PCNT: variants seen among roughly 807,000 people sequenced by gnomAD.
PCNT encodes the protein kendrin.
PCNT carries 319 observed loss-of-function variants against 380.4 expected under a neutral mutation model. That is an observed-to-expected ratio of 0.84 (90% confidence interval 0.77 to 0.92). The LOEUF (loss-of-function observed/expected upper bound fraction) is 0.92, where lower values mean the gene tolerates loss of function less well. Among genes scored for constraint, PCNT ranks in the 40% least tolerant of loss-of-function variants. The pLI, the probability that PCNT is intolerant of heterozygous loss-of-function variation, is 0.00. For synonymous variants in PCNT, 1,845 were observed against 1,735.2 expected, an observed-to-expected ratio of 1.06 and a Z score of -1.57; for missense variants, 4,400 against 4,255.3, an observed-to-expected ratio of 1.03 and a Z score of -0.95.
chr21:46,427,934 C>A, intron 34 of PCNT, 139 bp downstream of exon 34: 1 of 914,116 alleles, frequency 1.1e-6, no homozygotes, highest in Non-Finnish European at 1.7e-6. Context: ...GTCACTTACC[C>A]AGGTGTTGAC....
rs958762082 is a variant in PCNT, at chr21:46,384,687, C to T, written c.3313-1145C>T. Among the ~76,000 whole-genome samples the T allele has an allele frequency of 3.3e-5, 5 of 150,660 alleles. 1 individual carries two copies. Among genetic ancestry groups the T allele is most frequent in the Non-Finnish European group, 7.4e-5 (5 of 67,730 alleles). The stretch of plus-strand genomic sequence containing the variant: ...ATTGTGCATAGTTCAGTGGCAGAAG[C>T]GCATTCACGGTGTTGTGCGTTGAGC... On this transcript the variant is annotated intron_variant, in intron 16 of 46. Transcript: ENST00000359568.
At chr21:46,370,806 C>T (rs982496177) in intron 15 of PCNT, among the ~76,000 whole-genome samples, 5 of 152,126 alleles carry the variant, frequency 3.3e-5, no homozygotes, top group Admixed American at 6.5e-5. Flanking sequence ...GAGGCTAAGG[C>T]GGGCAGATCA....
chr21:46,331,610 A>G (rs1485375521), intron 2 of PCNT, among the ~76,000 whole-genome samples: 1 of 151,918 alleles, frequency 6.6e-6, no homozygotes, highest in African/African-American at 2.4e-5. Flanking sequence ...TATGAAAAAT[A>G]TAAAAATTAG....
At position 46,334,648 on chromosome 21, in the gene PCNT, A is replaced by C. The variant is rs774102814; in HGVS notation, c.519A>C (p.Thr173=). Residue 173 remains threonine, a synonymous_variant, in exon 3 of 47, where the codon ACA becomes ACC. Transcript: ENST00000359568. ...CACCAGAACAGCGTGGGATGTTCAC[A>C]ATCAGTGACCACCAACCGGAACAGC... ...DHPPEQRGMF[T]ISDHQPEQRG... 1 of 1,604,802 alleles carries C rather than the reference A, an allele frequency of 6.2e-7. No individual in the cohort carries two copies. The highest frequency in any genetic ancestry group is 1.7e-5 in the Admixed American group (1 of 59,308).
At chr21:46,431,104 G>A (rs2147976304) in intron 37 of PCNT, 1 of 985,402 alleles carries the variant, frequency 1.0e-6, no homozygotes, top group Middle Eastern at 5.2e-4. Context: ...TGGAAGTGGT[G>A]GTTCCTAGCA....
At chr21:46,325,225 C>G in intron 1 of PCNT, 1 of 983,244 alleles carries the variant, frequency 1.0e-6, no homozygotes, top group Non-Finnish European at 1.2e-6. Flanking sequence ...GCGCCGCTCC[C>G]CCCCAGGATG....
chr21:46,385,925 G>A lies in PCNT; in HGVS notation c.3406G>A (p.Glu1136Lys), dbSNP rs2085815297. 3 of 1,614,214 alleles carry A rather than the reference G, an allele frequency of 1.9e-6. No individual in the cohort carries two copies. Among genetic ancestry groups the A allele is most frequent in the South Asian group, 1.1e-5 (1 of 91,082 alleles). The change falls in exon 17 of 47, where the codon GAA becomes AAA. Residue 1136 changes from glutamate (E) to lysine (K), a missense_variant. Transcript: ENST00000359568. ...GCAGAGGCGGGAGCGGGAGAACCGG[G>A]AAGGCGCAAACCTCCTCTCCATGCT... ...LQQRRERENR[E>K]GANLLSMLKA...
chr21:46,385,354 TCAGAAA>T (rs1283417357), intron 16 of PCNT, among the ~76,000 whole-genome samples: 1 of 152,224 alleles, frequency 6.6e-6, no homozygotes, highest in Admixed American at 6.5e-5. Context: ...AGACCCTGTC[TCAGAAA>T]GAAAGATCTT....
intron 32 of PCNT, among the ~76,000 whole-genome samples, chr21:46,424,093 C>G (rs1396968135): frequency 6.6e-6 from 1 of 152,126 alleles, no homozygotes; most frequent in East Asian, 1.9e-4. Context: ...GGAGGTGGCT[C>G]CAGGCGCGTG....
chr21:46,377,460 A>G (rs1280016674), intron 15 of PCNT, among the ~76,000 whole-genome samples: 4 of 152,240 alleles, frequency 2.6e-5, no homozygotes, highest in Admixed American at 1.3e-4. Flanking sequence ...TTTTCTAGGC[A>G]ACTTTTGTCA....
intron 4 of PCNT, 74 bp downstream of exon 4, chr21:46,346,282 T>TGGGGGG: frequency 3.6e-6 from 2 of 550,612 alleles, no homozygotes; most frequent in East Asian, 4.1e-5. Flanking sequence ...GGCATCCGGG[T>TGGGGGG]GGGGGTGGGG....
rs2085924076 is a variant in PCNT at position 46,388,687 on chromosome 21, T to TG, written c.3465-50dup. 1.2e-6 allele frequency: 2 copies of TG among 1,605,930 alleles called. No homozygotes were observed. Among genetic ancestry groups the TG allele is most frequent in the Non-Finnish European group, 1.7e-6 (2 of 1,177,452 alleles). Reference sequence around the variant, plus strand: ...GGCGGCCCCTCAGCAGCATCCAGGGTGGGGGTTCTTATGCCGTGACCAGCT... The same window carrying TG: ...GGCGGCCCCTCAGCAGCATCCAGGGTGGGGGGTTCTTATGCCGTGACCAGCT... On this transcript the variant is annotated intron_variant, in intron 17 of 46. Transcript: ENST00000359568. This position sits in a 1 kb window ranked among gnomAD's most constrained non-coding sequence, Gnocchi z 4.2.
intron 14 of PCNT, among the ~76,000 whole-genome samples, chr21:46,364,959 G>A (rs1192920331): frequency 6.6e-6 from 1 of 152,264 alleles, no homozygotes; most frequent in African/African-American, 2.4e-5. Flanking sequence ...TGTGTCGCCA[G>A]TGCCCATTGG....
chr21:46,388,255 G>C lies in PCNT; in HGVS notation c.3465-487G>C, dbSNP rs976216428. Among the ~76,000 whole-genome samples the C allele has an allele frequency of 6.6e-6, 1 of 151,816 alleles. No individual in the cohort carries two copies. The highest frequency in any genetic ancestry group is 1.5e-5 in the Non-Finnish European group (1 of 67,968). On this transcript the variant is annotated intron_variant, in intron 17 of 46. Coordinates refer to ENST00000359568, the MANE Select transcript of PCNT (RefSeq NM_006031.6). This position sits in a 1 kb window ranked among gnomAD's most constrained non-coding sequence, Gnocchi z 4.2. The stretch of plus-strand genomic sequence containing the variant: ...GCATCCCAGACCGCACGTCCACGAG[G>C]CCTAGCGAGAGGCTGGGAGACACCA...
Position 46,425,455 on chromosome 21 carries a change from T to A in PCNT, c.7180-376T>A, listed in dbSNP as rs1300136759. On this transcript the variant is annotated intron_variant, in intron 32 of 46. Coordinates refer to ENST00000359568, the MANE Select transcript of PCNT (RefSeq NM_006031.6). This position sits in a 1 kb window ranked among gnomAD's most constrained non-coding sequence, Gnocchi z 4.2. The stretch of plus-strand genomic sequence containing the variant: ...CCAGGTGGGCAGGGAGTGTGTGATA[T>A]GTTTGTGATCTCGCTGTGGACATTG... Among the ~76,000 whole-genome samples, 1 of 152,162 alleles carries A rather than the reference T, an allele frequency of 6.6e-6. No homozygotes were observed. Among genetic ancestry groups the A allele is most frequent in the Non-Finnish European group, 1.5e-5 (1 of 68,034 alleles).
At chr21:46,386,562 C>T (rs1211634706) in intron 17 of PCNT, among the ~76,000 whole-genome samples, 2 of 152,220 alleles carry the variant, frequency 1.3e-5, no homozygotes, top group African/African-American at 4.8e-5. Context: ...GGTCTGCTTA[C>T]CACGGGCCGT....
rs972977477 is a variant in PCNT at position 46,431,867 on chromosome 21, G to A, written c.8403G>A (p.Val2801=). 1 of 1,613,928 alleles carries A rather than the reference G, an allele frequency of 6.2e-7. No individual in the cohort carries two copies. The highest frequency in any genetic ancestry group is 8.5e-7 in the Non-Finnish European group (1 of 1,180,032). The change falls in exon 38 of 47, where the codon GTG becomes GTA. Residue 2801 remains valine, a synonymous_variant. Coordinates refer to ENST00000359568, the MANE Select transcript of PCNT (RefSeq NM_006031.6). ...AGCTGAAGGAGGAGAAGTCCCGGGT[G>A]GTGGACTTGCAAGCGATGCTTGAAA... ...LQKLKEEKSR[V]VDLQAMLEKV...
At chr21:46,396,033 C>T (rs1158562362) in intron 21 of PCNT, among the ~76,000 whole-genome samples, 2 of 148,730 alleles carry the variant, frequency 1.3e-5, no homozygotes, top group Non-Finnish European at 3.0e-5. Flanking sequence ...GACTCCATCT[C>T]GGAAATAATA....
Position 46,334,777 on chromosome 21 carries a change from T to C in PCNT, c.639+9T>C, listed in dbSNP as rs989128405. On this transcript the variant is annotated intron_variant, in intron 3 of 46. Coordinates refer to ENST00000359568, the MANE Select transcript of PCNT (RefSeq NM_006031.6). Reference sequence around the variant, plus strand: ...GTGGGATGTTCACAAAGGTATTCTTTAAGTTCTCTGTTAAGGTGTATTCTT... The same window carrying C: ...GTGGGATGTTCACAAAGGTATTCTTCAAGTTCTCTGTTAAGGTGTATTCTT... 2.5e-6 allele frequency: 4 copies of C among 1,614,138 alleles called. No homozygotes were observed. Among genetic ancestry groups the C allele is most frequent in the Admixed American group, 3.3e-5 (2 of 60,004 alleles).
Sources: allele counts gnomAD v4.1 joint callset (sites outside exome capture counted in the v4.1 genomes callset), GRCh38; gene constraint gnomAD v4.1.1; non-coding constraint Gnocchi (gnomAD v3.1); transcripts MANE v1.5; gene names NCBI Gene and HGNC (gene_info 2026-07-23, HGNC 2026-07-21).